Variants in HEPHL1 observed in about 807,000 individuals in gnomAD.
HEPHL1 encodes the protein hephaestin like 1.
A neutral mutation model predicts 122.0 loss-of-function variants in HEPHL1; 123 were observed. That is an observed-to-expected ratio of 1.01 (90% CI 0.87 to 1.17). The LOEUF (loss-of-function observed/expected upper bound fraction) is 1.17, where lower values mean the gene tolerates loss of function less well. Ranked by LOEUF, HEPHL1 falls within the 50% of genes most tolerant of loss-of-function variation. The pLI is 0.00. For missense variants in HEPHL1, 1,452 were observed against 1,430.5 expected, an observed-to-expected ratio of 1.01 and a Z score of -0.24; for synonymous variants, 527 against 508.9, an observed-to-expected ratio of 1.04 and a Z score of -0.48.
Position 94,095,397 on chromosome 11 carries a change from G to A in HEPHL1, c.2434+1757G>A, listed in dbSNP as rs1946303009. On this transcript the variant is annotated intron_variant, in intron 13 of 19. Transcript: ENST00000315765. ...GTACCATGCTGTTTTGGCTACTACAGCCTTGTAGTACAGTTTGAAGTCAGG... is the reference window on the plus strand; with the variant it reads ...GTACCATGCTGTTTTGGCTACTACAACCTTGTAGTACAGTTTGAAGTCAGG... 3.3e-5 allele frequency among the ~76,000 whole-genome samples: 5 copies of A among 152,214 alleles called. No homozygotes were observed. The South Asian group carries it at 1.0e-3, about 32-fold the overall frequency.
chr11:94,072,900 G>A, intron 6 of HEPHL1, 125 bp from the exon 7 acceptor site: 2 of 833,318 alleles, frequency 2.4e-6, no homozygotes, highest in Non-Finnish European at 3.8e-6. Flanking sequence ...GTCAAGGCCT[G>A]TGCTGTCTTT....
At chr11:94,045,061 C>T (rs979163440) in intron 1 of HEPHL1, among the ~76,000 whole-genome samples, 15 of 152,160 alleles carry the variant, frequency 9.9e-5, no homozygotes, top group Non-Finnish European at 2.2e-4. Flanking sequence ...GGCCCACCAC[C>T]ATGCTCGGCT....
chr11:94,110,467 A>G (rs1946439641), intron 17 of HEPHL1, among the ~76,000 whole-genome samples: 1 of 152,222 alleles, frequency 6.6e-6, no homozygotes, highest in Admixed American at 6.5e-5. Flanking sequence ...CATGTGGATA[A>G]GACATGAAAA....
chr11:94,098,943 T>G (rs2134450285), intron 13 of HEPHL1, among the ~76,000 whole-genome samples: 1 of 152,322 alleles, frequency 6.6e-6, no homozygotes, highest in Non-Finnish European at 1.5e-5. Context: ...TTTAGCTTCT[T>G]TGCGATGGGT....
intron 3 of HEPHL1, 43 bp from the exon 4 acceptor site, chr11:94,064,288 T>G (rs772844202): frequency 4.0e-6 from 6 of 1,486,286 alleles, no homozygotes; most frequent in Non-Finnish European, 5.5e-6. Flanking sequence ...AAGCTCATCT[T>G]GATTTAGTTC....
intron 15 of HEPHL1, among the ~76,000 whole-genome samples, chr11:94,104,176 T>C (rs1443835687): frequency 6.6e-6 from 1 of 152,104 alleles, no homozygotes; most frequent in African/African-American, 2.4e-5. Flanking sequence ...TTGGGACATG[T>C]TGAGAGTCCC....
intron 13 of HEPHL1, among the ~76,000 whole-genome samples, chr11:94,100,345 C>T (rs143453445): frequency 6.6e-6 from 1 of 152,272 alleles, no homozygotes; most frequent in African/African-American, 2.4e-5. Context: ...GCACCAGATA[C>T]CCAAGAGAGA....
In HEPHL1 at chr11:94,096,089, T is replaced by TCTTCCTTCC. The variant is rs1946310034; in HGVS notation, c.2434+2452_2434+2453insCCTTCCCTT. 2.0e-5 allele frequency among the ~76,000 whole-genome samples: 3 copies of TCTTCCTTCC among 152,356 alleles called. No homozygotes were observed. In the South Asian group the frequency reaches 6.2e-4, roughly 32 times the overall value. ...GAAGTGGTGAGAGAGGGCATCCCTG[T>TCTTCCTTCC]CTTGTGCCAGTTTTCAAAGGGAATG... On this transcript the variant is annotated intron_variant, in intron 13 of 19. Transcript: ENST00000315765.
chr11:94,103,294 A>G (rs1946383935), intron 15 of HEPHL1, among the ~76,000 whole-genome samples: 2 of 151,596 alleles, frequency 1.3e-5, no homozygotes, highest in Non-Finnish European at 2.9e-5. Flanking sequence ...AAAAAAAAAA[A>G]AAGTTTGGTG....
At chr11:94,061,623 G>A (rs1350743400) in intron 2 of HEPHL1, among the ~76,000 whole-genome samples, 1 of 152,076 alleles carries the variant, frequency 6.6e-6, no homozygotes, top group Non-Finnish European at 1.5e-5. Context: ...CCTCTATCAC[G>A]TTAGATAAGT....
rs1397049126 is a variant in HEPHL1, at chr11:94,086,209, C to T, written c.2080+20C>T. The stretch of plus-strand genomic sequence containing the variant: ...ATGCAGGTAAACTTGCTGGGTCCAT[C>T]TCAGGTGACCAGATTTCTACCTTCA... On this transcript the variant is annotated intron_variant, in intron 11 of 19. Coordinates refer to ENST00000315765, the MANE Select transcript of HEPHL1 (RefSeq NM_001098672.2). 2 of 1,570,722 alleles carry T rather than the reference C, an allele frequency of 1.3e-6. No homozygotes were observed. The highest frequency in any genetic ancestry group is 8.7e-7 in the Non-Finnish European group (1 of 1,151,094).
intron 1 of HEPHL1, among the ~76,000 whole-genome samples, chr11:94,036,259 G>A (rs990903809): frequency 6.6e-6 from 1 of 152,188 alleles, no homozygotes; most frequent in Non-Finnish European, 1.5e-5. Context: ...ATGAGGTACA[G>A]TTAAAGGCTG....
At chr11:94,035,974 G>T (rs1011428137) in intron 1 of HEPHL1, among the ~76,000 whole-genome samples, 1 of 152,096 alleles carries the variant, frequency 6.6e-6, no homozygotes, top group Non-Finnish European at 1.5e-5. Context: ...CTGACCTCGT[G>T]ATCCGCCCGC....
chr11:94,070,425 AC>A lies in HEPHL1; in HGVS notation c.1119del (p.Lys374ArgfsTer2), dbSNP rs866684047. On this transcript the variant is annotated frameshift_variant, in exon 6 of 20. Coordinates refer to ENST00000315765, the MANE Select transcript of HEPHL1 (RefSeq NM_001098672.2). LOFTEE classifies it high-confidence loss of function. ...GATAACTGCAAAAGTGATATTTTCT[AC>A]CCCAAGATGAAGGGTCAACAGAGGC... ...NVDNCKSDIFYPKMKGQQRRY... is the reference protein window; with the variant it reads ...NVDNCKSDIFXPKMKGQQRRY... 9 of 1,604,924 alleles carry A rather than the reference AC, an allele frequency of 5.6e-6. No individual in the cohort carries two copies. The highest frequency in any genetic ancestry group is 1.7e-5 in the Admixed American group (1 of 58,708).
intron 10 of HEPHL1, among the ~76,000 whole-genome samples, chr11:94,084,931 T>C (rs1230148724): frequency 6.6e-6 from 1 of 152,160 alleles, no homozygotes; most frequent in East Asian, 1.9e-4. Context: ...AATTGCGGTT[T>C]TTGCAATTAC....
intron 18 of HEPHL1, 66 bp downstream of exon 18, chr11:94,111,131 G>A (rs1262318591): frequency 1.1e-5 from 15 of 1,402,250 alleles, no homozygotes; most frequent in Non-Finnish European, 1.4e-5. Context: ...CAAAACAGGA[G>A]GCATGACAAA....
chr11:94,046,645 G>A (rs1358073869), intron 2 of HEPHL1, among the ~76,000 whole-genome samples: 1 of 151,086 alleles, frequency 6.6e-6, no homozygotes, highest in Non-Finnish European at 1.5e-5. Context: ...TGCTTCAGGC[G>A]GCTGTTTTTG....
At chr11:94,055,775 C>T (rs868343172) in intron 2 of HEPHL1, 45 of 395,230 alleles carry the variant, frequency 1.1e-4, no homozygotes, top group East Asian at 9.9e-4. Flanking sequence ...TAGCAGTCAA[C>T]GATAATTGGT....
At position 94,075,349 on chromosome 11, in the gene HEPHL1, C is replaced by T; in HGVS notation, c.1680C>T (p.Val560=). The T allele has an allele frequency of 1.2e-6, 2 of 1,613,206 alleles. No homozygotes were observed. Among genetic ancestry groups the T allele is most frequent in the Non-Finnish European group, 1.7e-6 (2 of 1,179,570 alleles). Residue 560 remains valine (V), a synonymous_variant, in exon 9 of 20, where the codon GTC becomes GTT. Transcript: ENST00000315765. ...CTGGCCTGGTAGGGCCTTTGCTAGT[C>T]TGTAAAAAGGGCGTCCTCAATGCTG... ...TSSGLVGPLL[V]CKKGVLNADG...
Sources: allele counts gnomAD v4.1 joint callset (sites outside exome capture counted in the v4.1 genomes callset), GRCh38; gene constraint gnomAD v4.1.1; transcripts MANE v1.5; gene names NCBI Gene and HGNC (gene_info 2026-07-23, HGNC 2026-07-21).